ATRNL1: variants seen among roughly 807,000 people sequenced by gnomAD.
ATRNL1 encodes attractin like 1.
In ATRNL1, 95 loss-of-function variants were observed where a neutral mutation model predicts 182.7. The observed-to-expected ratio is 0.52, with a 90% confidence interval of 0.44 to 0.62. The LOEUF (loss-of-function observed/expected upper bound fraction) is 0.62, where lower values mean the gene tolerates loss of function less well. Ranked by LOEUF, ATRNL1 falls within the 20% of genes least tolerant of loss-of-function variation. The pLI, the probability that ATRNL1 is intolerant of heterozygous loss-of-function variation, is 0.00. For synonymous variants in ATRNL1, 576 were observed against 568.3 expected, an observed-to-expected ratio of 1.01 and a Z score of -0.19; for missense variants, 1,471 against 1,679.5, an observed-to-expected ratio of 0.88 and a Z score of 2.17.
intron 27 of ATRNL1, among the ~76,000 whole-genome samples, chr10:115,784,976 C>A (rs1384388346): frequency 2.0e-5 from 3 of 152,104 alleles, no homozygotes; most frequent in Non-Finnish European, 4.4e-5. Context: ...AATACATTTG[C>A]CCCATTTCAA....
chr10:115,520,384 TA>T (rs1850865013), intron 25 of ATRNL1, among the ~76,000 whole-genome samples: 1 of 152,246 alleles, frequency 6.6e-6, no homozygotes, highest in Non-Finnish European at 1.5e-5. Flanking sequence ...GGCCAGATAG[TA>T]AATATTTCAA....
At chr10:115,540,483 C>T (rs113011241) in intron 25 of ATRNL1, among the ~76,000 whole-genome samples, 1,940 of 152,004 alleles carry the variant, frequency 0.013, 35 homozygotes, top group African/African-American at 0.044. Flanking sequence ...CAGTGGAGGC[C>T]GGGCATGGTG....
chr10:115,743,339 C>T (rs930424402), intron 27 of ATRNL1, among the ~76,000 whole-genome samples: 1 of 151,642 alleles, frequency 6.6e-6, no homozygotes, highest in African/African-American at 2.4e-5. Context: ...GTCATTTCAC[C>T]CCAATAAGCT....
chr10:115,112,663 AGT>A (rs1844308923), intron 1 of ATRNL1, among the ~76,000 whole-genome samples: 1 of 152,208 alleles, frequency 6.6e-6, no homozygotes, highest in Non-Finnish European at 1.5e-5. Context: ...AATGCCCCAA[AGT>A]AATCAGCAGT....
chr10:115,256,796 A>C (rs1554907098), intron 10 of ATRNL1, among the ~76,000 whole-genome samples: 1 of 152,180 alleles, frequency 6.6e-6, no homozygotes. Flanking sequence ...TTCCCTCTAC[A>C]CACTGCTTTG....
intron 5 of ATRNL1, among the ~76,000 whole-genome samples, chr10:115,136,002 G>C (rs1435693963): frequency 1.3e-5 from 2 of 151,290 alleles, no homozygotes; most frequent in African/African-American, 2.4e-5. Flanking sequence ...GGCACCACAG[G>C]TTGCACACCA....
chr10:115,456,512 G>A (rs10885718), intron 21 of ATRNL1, among the ~76,000 whole-genome samples: 33,763 of 151,962 alleles, frequency 0.22, 4,706 homozygotes, highest in Non-Finnish European at 0.31. Flanking sequence ...GAAGAATAGC[G>A]TTAGGAGAAA....
chr10:115,374,394 C>T (rs1554948921), intron 19 of ATRNL1, among the ~76,000 whole-genome samples: 1 of 151,250 alleles, frequency 6.6e-6, no homozygotes, highest in Non-Finnish European at 1.5e-5. Flanking sequence ...CTCCCTTCTG[C>T]TCACTTTGGA....
At chr10:115,732,159 C>T (rs782050836) in intron 27 of ATRNL1, among the ~76,000 whole-genome samples, 1 of 152,126 alleles carries the variant, frequency 6.6e-6, no homozygotes, top group African/African-American at 2.4e-5. Flanking sequence ...AACATGTTTA[C>T]ATTTTTTTGG....
intron 25 of ATRNL1, among the ~76,000 whole-genome samples, chr10:115,528,437 A>T (rs1314981764): frequency 6.6e-6 from 1 of 151,952 alleles, no homozygotes; most frequent in Non-Finnish European, 1.5e-5. Flanking sequence ...CTCTCCTATA[A>T]TCATTTTTAT....
rs911988265 is a variant in ATRNL1, at chr10:115,197,163, A to G, written c.1349-18534A>G. ...TGTTTTTTCATTTTCTGATTTTTTA[A>G]TATGGTGAATGGTATTGATTGACTT... On this transcript the variant is annotated intron_variant, in intron 8 of 28. Coordinates refer to ENST00000355044, the MANE Select transcript of ATRNL1 (RefSeq NM_207303.4). Among the ~76,000 whole-genome samples, 4 of 151,752 alleles carry G rather than the reference A, an allele frequency of 2.6e-5. No homozygotes were observed. The East Asian group carries it at 7.7e-4, about 29-fold the overall frequency.
rs1460229327 is a variant in ATRNL1 at position 115,179,492 on chromosome 10, G to A, written c.1348+8200G>A. ...CAAGGGGTGGTAAAGTCTTCCTGTTGTGGTAGGTCTCAGGATATTGCCCTG... is the reference window on the plus strand; with the variant it reads ...CAAGGGGTGGTAAAGTCTTCCTGTTATGGTAGGTCTCAGGATATTGCCCTG... On this transcript the variant is annotated intron_variant, in intron 8 of 28. Coordinates refer to ENST00000355044, the MANE Select transcript of ATRNL1 (RefSeq NM_207303.4). 2.6e-5 allele frequency among the ~76,000 whole-genome samples: 4 copies of A among 152,228 alleles called. No homozygotes were observed. In the East Asian group the frequency reaches 5.8e-4, roughly 22 times the overall value.
rs1555060512 is a variant in ATRNL1, at chr10:115,727,302, G to A, written c.3850G>A (p.Val1284Ile). The part of the protein sequence containing the change: ...MASRPFASVD[V>I]ALEVGAEQTE... Reference sequence around the variant, plus strand: ...CAGCCGTCCCTTTGCTTCTGTTGATGTAGCTCTGGAAGTGGGAGCTGAACA... The same window carrying A: ...CAGCCGTCCCTTTGCTTCTGTTGATATAGCTCTGGAAGTGGGAGCTGAACA... Residue 1284 changes from valine (V) to isoleucine (I), a missense_variant, in exon 27 of 29, where the codon GTA becomes ATA. Physicochemically the swap from Val to Ile is conservative, Grantham distance 29 (BLOSUM62 3). Transcript: ENST00000355044. 3 of 1,614,038 alleles carry A rather than the reference G, an allele frequency of 1.9e-6. No homozygotes were observed. Among genetic ancestry groups the A allele is most frequent in the Admixed American group, 3.3e-5 (2 of 60,002 alleles).
At chr10:115,125,371 A>G (rs191253300) in intron 3 of ATRNL1, among the ~76,000 whole-genome samples, 12 of 152,318 alleles carry the variant, frequency 7.9e-5, no homozygotes, top group Non-Finnish European at 1.6e-4. Flanking sequence ...TTATGTAATT[A>G]TAGGTCCTAA....
intron 26 of ATRNL1, among the ~76,000 whole-genome samples, chr10:115,654,419 A>G (rs1314407445): frequency 6.6e-6 from 1 of 151,826 alleles, no homozygotes; most frequent in South Asian, 2.1e-4. Flanking sequence ...GGGTTTTGCC[A>G]TGTTGACCAG....
At chr10:115,458,324 C>T (rs1238196311) in intron 21 of ATRNL1, among the ~76,000 whole-genome samples, 3 of 152,112 alleles carry the variant, frequency 2.0e-5, no homozygotes, top group Non-Finnish European at 2.9e-5. Context: ...GGAGTACTTT[C>T]ATTCTAAGCA....
chr10:115,212,677 AAG>A (rs1360769391), intron 8 of ATRNL1, among the ~76,000 whole-genome samples: 5 of 152,286 alleles, frequency 3.3e-5, no homozygotes, highest in South Asian at 2.1e-4. Flanking sequence ...ACGAAAAAGA[AAG>A]AGATAATGTC....
At chr10:115,101,139 T>C (rs969466680) in intron 1 of ATRNL1, among the ~76,000 whole-genome samples, 1 of 152,202 alleles carries the variant, frequency 6.6e-6, no homozygotes, top group Non-Finnish European at 1.5e-5. Context: ...GGCTTTCTAC[T>C]TAGATGATTA....
At chr10:115,516,828 T>G (rs182237087) in intron 24 of ATRNL1, among the ~76,000 whole-genome samples, 1 of 152,046 alleles carries the variant, frequency 6.6e-6, no homozygotes, top group East Asian at 1.9e-4. Flanking sequence ...AGCTCATATA[T>G]CACCCCTTTA....
Sources: gnomAD v4.1 joint callset for allele counts (sites outside exome capture counted in the v4.1 genomes callset) on GRCh38, gnomAD v4.1.1 for gene constraint, MANE v1.5 for transcripts, NCBI Gene and HGNC (gene_info 2026-07-23, HGNC 2026-07-21) for gene names.